The following GPCPD1 variants were observed in gnomAD, a reference collection of about 807,000 sequenced individuals.
GPCPD1 encodes glycerophosphocholine phosphodiesterase GPCPD1.
GPCPD1 carries 29 observed loss-of-function variants against 89.2 expected under a neutral mutation model. That is an observed-to-expected ratio of 0.33 (90% CI 0.24 to 0.44). The LOEUF (loss-of-function observed/expected upper bound fraction) is 0.44. GPCPD1 is among the 20% of genes least tolerant of loss of function. GPCPD1 has a pLI of 1.00. For synonymous variants in GPCPD1, 258 were observed against 266.3 expected (o/e 0.97, Z 0.30); for missense variants, 594 against 808.9 (o/e 0.73, Z 3.22).
chr20:5,587,460 T>C (rs1979004246), intron 4 of GPCPD1, among the ~76,000 whole-genome samples: 1 of 152,056 alleles, frequency 6.6e-6, no homozygotes, highest in Admixed American at 6.6e-5. Flanking sequence ...CCTTGCCTCC[T>C]GGGTTCAAGT....
intron 17 of GPCPD1, among the ~76,000 whole-genome samples, chr20:5,559,647 C>A (rs1016183064): frequency 6.6e-6 from 1 of 152,080 alleles, no homozygotes; most frequent in African/African-American, 2.4e-5. Context: ...CTAAAATATT[C>A]TCAGATATCG....
At chr20:5,607,375 G>T (rs1980661082) in intron 1 of GPCPD1, among the ~76,000 whole-genome samples, 1 of 151,860 alleles carries the variant, frequency 6.6e-6, no homozygotes, top group South Asian at 2.1e-4. Context: ...GGCAGATCAT[G>T]AGGTCAGGAA....
intron 2 of GPCPD1, among the ~76,000 whole-genome samples, chr20:5,600,643 C>A (rs549653286): frequency 6.6e-6 from 1 of 152,072 alleles, no homozygotes; most frequent in Non-Finnish European, 1.5e-5. Flanking sequence ...ACCAGCCTGG[C>A]CAACATAGTG....
chr20:5,596,951 T>C (rs182420281), intron 3 of GPCPD1, among the ~76,000 whole-genome samples: 1 of 152,340 alleles, frequency 6.6e-6, no homozygotes, highest in Admixed American at 6.5e-5. Flanking sequence ...TCTTATCCTG[T>C]TCACATCTTT....
intron 14 of GPCPD1, 73 bp downstream of exon 14, chr20:5,566,660 G>T: frequency 2.3e-6 from 2 of 865,620 alleles, no homozygotes; most frequent in Non-Finnish European, 2.0e-6. Context: ...TCAAGTATGT[G>T]CTAAAATCGA....
rs890087626 is a variant in GPCPD1, at chr20:5,547,544, T to C, written c.*117A>G. The stretch of plus-strand genomic sequence containing the variant: ...TGTAGTGAAAGAGTTAAATACTTCA[T>C]TATTGCTTCATTGAACTGAGAAGCC... On this transcript the variant is annotated 3_prime_UTR_variant, in exon 20 of 20. Transcript: ENST00000379019. 3.6e-6 allele frequency: 2 copies of C among 553,334 alleles called. No homozygotes were observed. The highest frequency in any genetic ancestry group is 5.7e-5 in the Admixed American group (2 of 35,030). The allele number at this position is 553,334 out of a possible 1,614,324, so 34.3% of individuals were successfully genotyped here.
intron 3 of GPCPD1, 91 bp from the exon 4 acceptor site, chr20:5,593,502 G>T: frequency 1.4e-6 from 1 of 721,470 alleles, no homozygotes; most frequent in Non-Finnish European, 2.5e-6. Flanking sequence ...CAAATAAAAC[G>T]TATGACCAAT....
intron 5 of GPCPD1, 59 bp downstream of exon 5, chr20:5,586,135 G>A: frequency 1.2e-6 from 1 of 807,284 alleles, no homozygotes; most frequent in Non-Finnish European, 2.1e-6. Context: ...CTAAGCCATT[G>A]TGCAGCATAT....
chr20:5,587,440 C>T (rs1002134567), intron 4 of GPCPD1, among the ~76,000 whole-genome samples: 1 of 151,982 alleles, frequency 6.6e-6, no homozygotes, highest in Non-Finnish European at 1.5e-5. Flanking sequence ...ACAATCTCGG[C>T]TCACTGCACC....
In GPCPD1 at chr20:5,545,535, G is replaced by T. The variant is rs1458194673; in HGVS notation, c.*2126C>A. 6.6e-6 allele frequency: 1 copy of T among 152,450 alleles called. No individual in the cohort carries two copies. Among genetic ancestry groups the T allele is most frequent in the Non-Finnish European group, 1.5e-5 (1 of 68,254 alleles). The allele number at this position is 152,450 out of a possible 1,614,324, so 9.4% of individuals were successfully genotyped here. A position where few individuals can be genotyped will look rare whatever the true frequency, so the allele number is the denominator to read the frequency against. Reference sequence around the variant, plus strand: ...GGCAGAGAGAAAGTGACTATGGGAGGAGAGGGCTCCCAGGCAGAGGACACA... The same window carrying T: ...GGCAGAGAGAAAGTGACTATGGGAGTAGAGGGCTCCCAGGCAGAGGACACA... On this transcript the variant is annotated 3_prime_UTR_variant, in exon 20 of 20. Coordinates refer to ENST00000379019, the MANE Select transcript of GPCPD1 (RefSeq NM_019593.5).
At chr20:5,573,789 T>C (rs1317208220) in intron 11 of GPCPD1, 126 bp downstream of exon 11, 13 of 750,524 alleles carry the variant, frequency 1.7e-5, no homozygotes, top group Non-Finnish European at 2.9e-5. Context: ...TTCATTCCGA[T>C]CTTCACCATG....
intron 1 of GPCPD1, among the ~76,000 whole-genome samples, chr20:5,604,774 T>C (rs866526389): frequency 7.2e-6 from 1 of 139,178 alleles, no homozygotes; most frequent in East Asian, 2.1e-4. Flanking sequence ...GCCTCATGTC[T>C]ACACACACAC....
intron 17 of GPCPD1, among the ~76,000 whole-genome samples, chr20:5,559,182 C>T (rs1985946124): frequency 6.6e-6 from 1 of 151,666 alleles, no homozygotes; most frequent in African/African-American, 2.4e-5. Context: ...GCCTGGGCAA[C>T]AGAACAAGAC....
At position 5,593,336 on chromosome 20, in the gene GPCPD1, TA is replaced by T; in HGVS notation, c.221del (p.Leu74Ter). 1.3e-6 allele frequency: 2 copies of T among 1,545,290 alleles called. No individual in the cohort carries two copies. Among genetic ancestry groups the T allele is most frequent in the Non-Finnish European group, 1.8e-6 (2 of 1,117,882 alleles). On this transcript the variant is annotated frameshift_variant, in exon 4 of 20. Transcript: ENST00000379019. LOFTEE classifies it high-confidence loss of function. ...GATAAAGAAAACATACCTTTGGTTC[TA>T]AAAAGTACCCTTTGAAGTAGCGATA... is the stretch of plus-strand genomic sequence containing the variant. ...VQYRYFKGYF[L>X]EPKTIGGPCQ...
rs11475275 is a variant in GPCPD1, at chr20:5,567,562, TAAA to T, written c.1150-5_1150-3del. ...TTCAACTGGATCAGCATCAAATTTCTAAAAAAAAAAAAAAAAGAAAGAAAGAAA... is the reference window on the plus strand; with the variant it reads ...TTCAACTGGATCAGCATCAAATTTCTAAAAAAAAAAAAAGAAAGAAAGAAA... On this transcript the variant is annotated splice_region_variant and splice_polypyrimidine_tract_variant and intron_variant, in intron 12 of 19. Coordinates refer to ENST00000379019, the MANE Select transcript of GPCPD1 (RefSeq NM_019593.5). 33,456 of 1,270,708 alleles carry T rather than the reference TAAA, an allele frequency of 0.026. No homozygotes were observed. The highest frequency in any genetic ancestry group is 0.046 in the South Asian group (2,865 of 62,606). The allele number at this position is 1,270,708 out of a possible 1,614,324, so 78.7% of individuals were successfully genotyped here.
chr20:5,584,605 A>T (rs1375650011), intron 5 of GPCPD1: 1 of 201,706 alleles, frequency 5.0e-6, no homozygotes, highest in African/African-American at 2.3e-5. Context: ...ACTGGGATTA[A>T]CTTCTACACT....
chr20:5,603,021 C>T (rs376588150), intron 2 of GPCPD1, among the ~76,000 whole-genome samples: 191 of 146,882 alleles, frequency 1.3e-3, no homozygotes, highest in African/African-American at 4.5e-3. Context: ...GGGCTGGGCA[C>T]GGTGGCTCCT....
At chr20:5,558,854 G>A (rs777930243) in intron 17 of GPCPD1, 35 bp from the exon 18 acceptor site, 3 of 1,476,404 alleles carry the variant, frequency 2.0e-6, no homozygotes, top group Non-Finnish European at 2.7e-6. Flanking sequence ...ACCTTTCAAT[G>A]GGGGGTAACT....
chr20:5,567,338 C>A, intron 13 of GPCPD1, 145 bp downstream of exon 13: 1 of 995,326 alleles, frequency 1.0e-6, no homozygotes, highest in Non-Finnish European at 1.4e-6. Flanking sequence ...ACCCTTCTCC[C>A]AAACAGAACA....
Sources: allele counts gnomAD v4.1 joint callset (sites outside exome capture counted in the v4.1 genomes callset), GRCh38; gene constraint gnomAD v4.1.1; transcripts MANE v1.5; gene names NCBI Gene and HGNC (gene_info 2026-07-23, HGNC 2026-07-21).